The following EXD3 variants were observed in gnomAD, a reference collection of about 807,000 sequenced individuals.
EXD3 encodes the protein exonuclease mut-7 homolog.
Under a neutral mutation model 98.0 loss-of-function variants are expected in EXD3, and 92 were observed. The ratio of observed to expected loss-of-function variants is 0.94; its 90% CI spans 0.79 to 1.12. The LOEUF (loss-of-function observed/expected upper bound fraction) is 1.12. EXD3 is among the 50% of genes most tolerant of loss of function. EXD3 has a pLI of 0.00. For synonymous variants in EXD3, 569 were observed against 526.0 expected (o/e 1.08, Z -1.12); for missense variants, 1,222 against 1,191.6 (o/e 1.03, Z -0.38).
At position 137,370,808 on chromosome 9, in the gene EXD3, T is replaced by A. The variant is rs1242426911; in HGVS notation, c.462+2097A>T. On this transcript the variant is annotated intron_variant, in intron 5 of 21. Transcript: ENST00000340951. ...AAGAGGGCCTTTTTTTTTTTTTTTT[T>A]TTTAAAGCAAAGCTATCTTTTTACC... Among the ~76,000 whole-genome samples the A allele has an allele frequency of 7.3e-5, 11 of 151,446 alleles. No individual in the cohort carries two copies. In the East Asian group the frequency reaches 2.1e-3, roughly 29 times the overall value.
rs1836528061 is a variant in EXD3 at position 137,385,255 on chromosome 9, C to G, written c.56-1878G>C. Among the ~76,000 whole-genome samples the G allele has an allele frequency of 6.6e-6, 1 of 152,178 alleles. No individual in the cohort carries two copies. Among genetic ancestry groups the G allele is most frequent in the Non-Finnish European group, 1.5e-5 (1 of 68,024 alleles). ...GCTGCATACAGAGGCTGAGAACACT[C>G]AAATGTCCACTGTAGGAGGACGGAG... On this transcript the variant is annotated intron_variant, in intron 2 of 21. Transcript: ENST00000340951. The surrounding 1 kb of genome is among the most constrained non-coding windows in gnomAD (Gnocchi z 4.4).
rs1420602895 is a variant in EXD3, at chr9:137,418,959, ATTGTT to A, written c.-48+4150_-48+4154del. The stretch of plus-strand genomic sequence containing the variant: ...CAGTGACCTGTGGTCCTATTTTGAG[ATTGTT>A]TTAAGCCTCTGATATTTGACTTCCC... On this transcript the variant is annotated intron_variant, in intron 1 of 21. Transcript: ENST00000340951. Among the ~76,000 whole-genome samples the A allele has an allele frequency of 3.9e-5, 6 of 152,280 alleles. No homozygotes were observed. In the East Asian group the frequency reaches 7.7e-4, roughly 20 times the overall value.
chr9:137,307,747 T>G, intron 20 of EXD3, 101 bp from the exon 21 acceptor site: 1 of 1,314,542 alleles, frequency 7.6e-7, no homozygotes, highest in Non-Finnish European at 1.1e-6. Flanking sequence ...CACAGTCACC[T>G]CATGGGGTGC....
At chr9:137,355,563 GGGAGGATGGAGGAA>G (rs1564508532) in intron 8 of EXD3, among the ~76,000 whole-genome samples, 171 of 3,992 alleles carry the variant, frequency 0.043, 7 homozygotes, top group Admixed American at 0.17. Flanking sequence ...GAAGGAGGAA[GGGAGGATGGAGGAA>G]GGAGGAAGGA....
rs1004765472 is a variant in EXD3, at chr9:137,385,189, C to T, written c.56-1812G>A. Among the ~76,000 whole-genome samples the T allele has an allele frequency of 3.4e-4, 52 of 152,204 alleles. No individual in the cohort carries two copies. Among genetic ancestry groups the T allele is most frequent in the African/African-American group, 1.2e-3 (50 of 41,470 alleles). On this transcript the variant is annotated intron_variant, in intron 2 of 21. Coordinates refer to ENST00000340951, the MANE Select transcript of EXD3 (RefSeq NM_017820.5). This position sits in a 1 kb window ranked among gnomAD's most constrained non-coding sequence, Gnocchi z 4.4. The stretch of plus-strand genomic sequence containing the variant: ...GGCCTGGGTGGCACAGGCCAGTGTT[C>T]CCGTCTGCGCTCAGAACCGTCCCAC...
At chr9:137,336,389 G>A (rs1474090807) in intron 17 of EXD3, among the ~76,000 whole-genome samples, 1 of 152,166 alleles carries the variant, frequency 6.6e-6, no homozygotes, top group Non-Finnish European at 1.5e-5. Context: ...GGCCATGTGT[G>A]GTGGCTCACG....
At position 137,393,449 on chromosome 9, in the gene EXD3, C is replaced by T. The variant is rs538675461; in HGVS notation, c.55+1854G>A. 3.9e-5 allele frequency among the ~76,000 whole-genome samples: 6 copies of T among 152,264 alleles called. No homozygotes were observed. In the East Asian group the frequency reaches 9.6e-4, roughly 24 times the overall value. On this transcript the variant is annotated intron_variant, in intron 2 of 21. Transcript: ENST00000340951. This position sits in a 1 kb window ranked among gnomAD's most constrained non-coding sequence, Gnocchi z 4.6. ...AGGGGCAGGTGTGTGGTCAGGGCCC[C>T]ACAGGACAGCCAGGGTTGTGCCTGC...
chr9:137,416,038 G>C (rs527370817), intron 1 of EXD3, among the ~76,000 whole-genome samples: 1 of 152,132 alleles, frequency 6.6e-6, no homozygotes, highest in East Asian at 1.9e-4. Flanking sequence ...CATGAACAAA[G>C]AAAAAACCAT....
At chr9:137,400,002 C>T (rs1269380048) in intron 1 of EXD3, among the ~76,000 whole-genome samples, 1 of 148,096 alleles carries the variant, frequency 6.8e-6, no homozygotes, top group African/African-American at 2.5e-5. Context: ...TGCACTCCAG[C>T]CTGGGTGACA....
At chr9:137,373,380 G>A (rs746096727) in intron 4 of EXD3, 46 bp downstream of exon 4, 22 of 1,586,372 alleles carry the variant, frequency 1.4e-5, no homozygotes, top group Middle Eastern at 2.2e-4. Flanking sequence ...ATGCTGAGGG[G>A]CAGGGGCAGG....
chr9:137,411,668 G>A (rs1322116649), intron 1 of EXD3, among the ~76,000 whole-genome samples: 1 of 145,870 alleles, frequency 6.9e-6, no homozygotes, highest in African/African-American at 2.5e-5. Context: ...CCGGGACCTG[G>A]AAAAGGAGCG....
chr9:137,326,328 A>T (rs547287074), intron 17 of EXD3, among the ~76,000 whole-genome samples: 1 of 152,230 alleles, frequency 6.6e-6, no homozygotes, highest in Admixed American at 6.5e-5. Flanking sequence ...TATAGGAGGA[A>T]CCCTATAATT....
chr9:137,308,273 G>A (rs954707216), intron 20 of EXD3, among the ~76,000 whole-genome samples: 5 of 152,180 alleles, frequency 3.3e-5, no homozygotes, highest in Non-Finnish European at 5.9e-5. Flanking sequence ...TGCTCAGCAA[G>A]CATTTCGCTA....
intron 1 of EXD3, among the ~76,000 whole-genome samples, chr9:137,415,929 T>G (rs1485688189): frequency 6.6e-6 from 1 of 152,262 alleles, no homozygotes; most frequent in Non-Finnish European, 1.5e-5. Context: ...ACCAGGCAGA[T>G]GCACGTGTGA....
At chr9:137,317,639 A>C (rs1198500475) in intron 19 of EXD3, among the ~76,000 whole-genome samples, 3 of 151,980 alleles carry the variant, frequency 2.0e-5, no homozygotes, top group Non-Finnish European at 4.4e-5. Context: ...CCAGCCCAGA[A>C]TGCTGTGGAG....
intron 19 of EXD3, among the ~76,000 whole-genome samples, chr9:137,315,712 T>C (rs1367152699): frequency 6.6e-6 from 1 of 152,076 alleles, no homozygotes; most frequent in African/African-American, 2.4e-5. Flanking sequence ...TTTTCTGAGA[T>C]TCTTGTTAGC....
At chr9:137,422,790 A>G (rs909768122) in intron 1 of EXD3, among the ~76,000 whole-genome samples, 2 of 152,050 alleles carry the variant, frequency 1.3e-5, no homozygotes, top group African/African-American at 4.8e-5. Context: ...GAGGGAGCGA[A>G]GGGCCTCCGG....
At chr9:137,379,561 G>A (rs1397358633) in intron 3 of EXD3, among the ~76,000 whole-genome samples, 1 of 151,892 alleles carries the variant, frequency 6.6e-6, no homozygotes, top group Admixed American at 6.6e-5. Flanking sequence ...TGCTTCTGAA[G>A]CGATGAACCA....
At chr9:137,311,542 G>A (rs1328467190) in intron 19 of EXD3, among the ~76,000 whole-genome samples, 1 of 152,246 alleles carries the variant, frequency 6.6e-6, no homozygotes, top group Non-Finnish European at 1.5e-5. Flanking sequence ...GCGCACGCCT[G>A]GGCGGGGCCA....
Sources: allele counts gnomAD v4.1 joint callset (sites outside exome capture counted in the v4.1 genomes callset), GRCh38; gene constraint gnomAD v4.1.1; non-coding constraint Gnocchi (gnomAD v3.1); transcripts MANE v1.5; gene names NCBI Gene and HGNC (gene_info 2026-07-23, HGNC 2026-07-21).